The following PXN variants were observed in gnomAD, a reference collection of about 807,000 sequenced individuals.
The protein encoded by PXN is testicular tissue protein Li 134.
Under a neutral mutation model 103.6 loss-of-function variants are expected in PXN, and 61 were observed. The ratio of observed to expected loss-of-function variants is 0.59; its 90% CI spans 0.48 to 0.73. PXN has a LOEUF of 0.73. Among genes scored for constraint, PXN ranks in the 30% least tolerant of loss-of-function variants. The pLI is 0.00. For missense variants in PXN, 1,274 were observed against 1,460.3 expected (o/e 0.87, Z 2.08); for synonymous variants, 562 against 607.8 (o/e 0.92, Z 1.11).
chr12:120,223,578 C>G, intron 3 of PXN, 140 bp downstream of exon 3: 1 of 616,350 alleles, frequency 1.6e-6, no homozygotes, highest in East Asian at 2.8e-5. Context: ...ACCGACAGGC[C>G]TTCTGCAGCT....
Position 120,224,529 on chromosome 12 carries a change from C to T in PXN, c.14-152G>A. ...TGACCAGCCTTGGGACAGGAAGCCA[C>T]CAGCCCCGACCAGCCTAACCAAGAG... On this transcript the variant is annotated intron_variant, in intron 1 of 14. Coordinates refer to ENST00000637617, the MANE Select transcript of PXN (RefSeq NM_001385981.1). This position sits in a 1 kb window ranked among gnomAD's most constrained non-coding sequence, Gnocchi z 5.0. 1.4e-6 allele frequency: 1 copy of T among 734,016 alleles called. No homozygotes were observed. The highest frequency in any genetic ancestry group is 2.5e-6 in the Non-Finnish European group (1 of 405,072). The allele number at this position is 734,016 out of a possible 1,614,324, so 45.5% of individuals were successfully genotyped here.
At chr12:120,253,170 C>T (rs568450018) in intron 1 of PXN, among the ~76,000 whole-genome samples, 5 of 152,178 alleles carry the variant, frequency 3.3e-5, no homozygotes, top group African/African-American at 9.6e-5. Flanking sequence ...TGAGGTTTCC[C>T]ATATGAAAAA....
chr12:120,249,154 AAAT>A (rs1891728978), intron 1 of PXN, among the ~76,000 whole-genome samples: 1 of 152,120 alleles, frequency 6.6e-6, no homozygotes, highest in Non-Finnish European at 1.5e-5. Flanking sequence ...ATAAATAAAT[AAAT>A]AATAAAATAA....
chr12:120,251,943 T>G (rs1446855909), intron 1 of PXN, among the ~76,000 whole-genome samples: 2 of 152,214 alleles, frequency 1.3e-5, no homozygotes, highest in Non-Finnish European at 2.9e-5. Flanking sequence ...ACTGAGCACT[T>G]TGAAAGTATT....
Position 120,215,669 on chromosome 12 carries a change from A to AG in PXN, c.2302-9dup. The AG allele has an allele frequency of 6.3e-7, 1 of 1,598,110 alleles. No individual in the cohort carries two copies. Among genetic ancestry groups the AG allele is most frequent in the Non-Finnish European group, 8.5e-7 (1 of 1,174,780 alleles). On this transcript the variant is annotated splice_polypyrimidine_tract_variant and intron_variant, in intron 9 of 14. Coordinates refer to ENST00000637617, the MANE Select transcript of PXN (RefSeq NM_001385981.1). This position sits in a 1 kb window ranked among gnomAD's most constrained non-coding sequence, Gnocchi z 4.9. The stretch of plus-strand genomic sequence containing the variant: ...TTGCTCCAGGCCCTGGATCTTAGAT[A>AG]GGGGAAGAGATGAGGGTAAGAAATC...
chr12:120,264,806 G>C (rs1894424235), intron 1 of PXN, among the ~76,000 whole-genome samples: 1 of 152,144 alleles, frequency 6.6e-6, no homozygotes, highest in Non-Finnish European at 1.5e-5. Flanking sequence ...CTAGGGGTGG[G>C]GAGAGAATCA....
At position 120,215,928 on chromosome 12, in the gene PXN, AC is replaced by A; in HGVS notation, c.2302-268del. 7.2e-7 allele frequency: 1 copy of A among 1,386,806 alleles called. No individual in the cohort carries two copies. The allele number at this position is 1,386,806 out of a possible 1,614,324, so 85.9% of individuals were successfully genotyped here. ...TGGCCGGGCTCAGTGATGAGGCCTC[AC>A]CGGGCGCTGGGCCTGGGGGCTGGAA... On this transcript the variant is annotated intron_variant, in intron 9 of 14. Transcript: ENST00000637617. The surrounding 1 kb of genome is among the most constrained non-coding windows in gnomAD (Gnocchi z 4.9).
rs1283860769 is a variant in PXN, at chr12:120,211,735, G to C, written c.*579C>G. 2.9e-6 allele frequency: 1 copy of C among 350,206 alleles called. No homozygotes were observed. Among genetic ancestry groups the C allele is most frequent in the Non-Finnish European group, 5.7e-6 (1 of 175,282 alleles). The allele number at this position is 350,206 out of a possible 1,614,324, so 21.7% of individuals were successfully genotyped here. ...TAAAAGGGGAGGGCGGGTCTAAAAG[G>C]CAGGGGCAGTCGCCAGGCCTAGGGC... On this transcript the variant is annotated 3_prime_UTR_variant, in exon 15 of 15. Transcript: ENST00000637617.
chr12:120,212,290 G>T lies in PXN; in HGVS notation c.*24C>A, dbSNP rs761152303. ...AGTTGGGGATGCTGGCTGGGGAAGG[G>T]GGGCAGAGACAGGGGCAGGGCACCT... On this transcript the variant is annotated 3_prime_UTR_variant, in exon 15 of 15. Coordinates refer to ENST00000637617, the MANE Select transcript of PXN (RefSeq NM_001385981.1). This position sits in a 1 kb window ranked among gnomAD's most constrained non-coding sequence, Gnocchi z 7.2. 4 of 1,603,632 alleles carry T rather than the reference G, an allele frequency of 2.5e-6. No individual in the cohort carries two copies. The highest frequency in any genetic ancestry group is 1.1e-5 in the South Asian group (1 of 90,582).
At position 120,212,359 on chromosome 12, in the gene PXN, G is replaced by A. The variant is rs754961054; in HGVS notation, c.3201C>T (p.Asn1067=). The part of the protein sequence containing the change: ...QLNKGTFKEQ[N]DKPYCQNCFL... ...AGCAGTTCTGACAGTAAGGCTTGTCGTTCTGCTCCTTGAAGGTGCCCTTGT... is the reference window on the plus strand; with the variant it reads ...AGCAGTTCTGACAGTAAGGCTTGTCATTCTGCTCCTTGAAGGTGCCCTTGT... Residue 1067 remains asparagine, a synonymous_variant, in exon 15 of 15, where the codon AAC becomes AAT. Transcript: ENST00000637617. The surrounding 1 kb of genome is among the most constrained non-coding windows in gnomAD (Gnocchi z 7.2). 1.1e-5 allele frequency: 17 copies of A among 1,613,894 alleles called. No homozygotes were observed. Among genetic ancestry groups the A allele is most frequent in the Admixed American group, 8.3e-5 (5 of 59,988 alleles).
chr12:120,226,123 C>T (rs1886809710), intron 1 of PXN: 2 of 1,171,076 alleles, frequency 1.7e-6, no homozygotes, highest in Middle Eastern at 3.9e-4. Flanking sequence ...AGTGTCCAGG[C>T]CAATCCCCAC....
chr12:120,262,678 C>G (rs1017846229), intron 1 of PXN, among the ~76,000 whole-genome samples: 2 of 152,186 alleles, frequency 1.3e-5, no homozygotes, highest in African/African-American at 4.8e-5. Context: ...AAGCCCCCAC[C>G]AAGTACACTG....
At position 120,246,725 on chromosome 12, in the gene PXN, C is replaced by G. The variant is rs184533605; in HGVS notation, c.13+18892G>C. The stretch of plus-strand genomic sequence containing the variant: ...AAAAAATTAGCTAGGCATGGTGGTG[C>G]GTGCCTGTAGTCTCAGCTACTCAGG... On this transcript the variant is annotated intron_variant, in intron 1 of 14. Transcript: ENST00000637617. Among the ~76,000 whole-genome samples the G allele has an allele frequency of 4.5e-3, 676 of 150,730 alleles. 7 individuals are homozygous for G. Among genetic ancestry groups the G allele is most frequent in the African/African-American group, 0.016 (650 of 41,050 alleles).
In PXN at chr12:120,222,650, C is replaced by T. The variant is rs1320665138; in HGVS notation, c.594G>A (p.Thr198=). Residue 198 remains threonine (T), a synonymous_variant, in exon 5 of 15, where the codon ACG becomes ACA. Coordinates refer to ENST00000637617, the MANE Select transcript of PXN (RefSeq NM_001385981.1). This position sits in a 1 kb window ranked among gnomAD's most constrained non-coding sequence, Gnocchi z 4.7. The part of the protein sequence containing the change: ...SPLGGKAGPL[T]KEKPKRNGGR... ...CCCCATTCCGCTTAGGCTTCTCTTT[C>T]GTCAGGGGCCCAGCTTTGCCTCCCA... The T allele has an allele frequency of 9.3e-6, 15 of 1,608,466 alleles. No individual in the cohort carries two copies. The highest frequency in any genetic ancestry group is 1.2e-5 in the Non-Finnish European group (14 of 1,177,672).
At chr12:120,252,742 G>A (rs557328645) in intron 1 of PXN, among the ~76,000 whole-genome samples, 1 of 152,262 alleles carries the variant, frequency 6.6e-6, no homozygotes, top group East Asian at 1.9e-4. Context: ...GAGCTATTGA[G>A]GTTAACCAAG....
chr12:120,244,422 G>A (rs1396962898), intron 1 of PXN, among the ~76,000 whole-genome samples: 6 of 151,684 alleles, frequency 4.0e-5, no homozygotes, highest in African/African-American at 9.7e-5. Context: ...CGAGGCGGGC[G>A]GATCACGAGG....
rs760709890 is a variant in PXN at position 120,215,224 on chromosome 12, G to A, written c.2453C>T (p.Pro818Leu). 6.9e-6 allele frequency: 11 copies of A among 1,590,766 alleles called. No individual in the cohort carries two copies. Among genetic ancestry groups the A allele is most frequent in the African/African-American group, 6.7e-5 (5 of 74,322 alleles). ...TGSSSPPGGP[P>L]KPGSQLDSML... Reference sequence around the variant, plus strand: ...GCTGTCCAGCTGGCTCCCGGGCTTCGGGGGCCCCCCAGGGGGTGAGCTGCT... The same window carrying A: ...GCTGTCCAGCTGGCTCCCGGGCTTCAGGGGCCCCCCAGGGGGTGAGCTGCT... The change falls in exon 11 of 15, where the codon CCG (proline) becomes CTG (leucine). Residue 818 changes from proline (P) to leucine (L), a missense_variant. By Grantham distance (98) the Pro-to-Leu change is moderately conservative. Around this residue, in one of 2 missense-constraint regions of PXN, gnomAD observed 1,178 missense variants for 1,309.0 expected, o/e 0.90. Coordinates refer to ENST00000637617, the MANE Select transcript of PXN (RefSeq NM_001385981.1). The surrounding 1 kb of genome is among the most constrained non-coding windows in gnomAD (Gnocchi z 4.9).
At chr12:120,260,928 A>T (rs147097808) in intron 1 of PXN, among the ~76,000 whole-genome samples, 2,920 of 152,290 alleles carry the variant, frequency 0.019, 49 homozygotes, top group Non-Finnish European at 0.029. Flanking sequence ...TCCAAAAAAA[A>T]GTGTACAAAA....
In PXN at chr12:120,212,618, C is replaced by A. The variant is rs79483820; in HGVS notation, c.2980-38G>T. On this transcript the variant is annotated intron_variant, in intron 14 of 14. Coordinates refer to ENST00000637617, the MANE Select transcript of PXN (RefSeq NM_001385981.1). This position sits in a 1 kb window ranked among gnomAD's most constrained non-coding sequence, Gnocchi z 7.2. The stretch of plus-strand genomic sequence containing the variant: ...GAGAGGGGCTCAGGGAGCTGCCCCT[C>A]GGGCTAGAGCTGCACCCTGTGTGAT... 2.5e-6 allele frequency: 4 copies of A among 1,591,200 alleles called. No homozygotes were observed. The highest frequency in any genetic ancestry group is 1.3e-5 in the African/African-American group (1 of 74,732).
Sources: allele counts gnomAD v4.1 joint callset (sites outside exome capture counted in the v4.1 genomes callset), GRCh38; gene constraint gnomAD v4.1.1; regional missense constraint gnomAD v4.1.1; non-coding constraint Gnocchi (gnomAD v3.1); transcripts MANE v1.5; gene names NCBI Gene and HGNC (gene_info 2026-07-23, HGNC 2026-07-21).